MIS18A: variants seen among roughly 807,000 people sequenced by gnomAD.
MIS18A encodes the protein protein Mis18-alpha.
MIS18A carries 14 observed loss-of-function variants against 25.0 expected under a neutral mutation model. The observed-to-expected ratio is 0.56, with a 90% confidence interval of 0.37 to 0.88. The LOEUF (loss-of-function observed/expected upper bound fraction) is 0.88. Ranked by LOEUF, MIS18A falls within the 40% of genes least tolerant of loss-of-function variation. MIS18A has a pLI of 0.00. For missense variants in MIS18A, 292 were observed against 290.8 expected (o/e 1.00, Z -0.03); for synonymous variants, 134 against 118.6 (o/e 1.13, Z -0.84).
the MIS18A span, among the ~76,000 whole-genome samples, chr21:32,165,959 C>T: frequency 6.6e-6 from 1 of 152,260 alleles, no homozygotes; most frequent in East Asian, 1.9e-4. Flanking sequence ...GCATTATCAC[C>T]TTCTCACTCC....
At chr21:32,234,581 A>G in the MIS18A span, among the ~76,000 whole-genome samples, 4 of 152,072 alleles carry the variant, frequency 2.6e-5, no homozygotes, top group Admixed American at 6.6e-5. Context: ...ATAATCCCCA[A>G]TGTTGAAGGT....
At chr21:32,167,535 G>A in the MIS18A span, among the ~76,000 whole-genome samples, 1 of 152,134 alleles carries the variant, frequency 6.6e-6, no homozygotes, top group Non-Finnish European at 1.5e-5. Context: ...AATGAAGATT[G>A]GTGAGCTGCA....
At chr21:32,190,112 G>T in the MIS18A span, among the ~76,000 whole-genome samples, 1 of 152,170 alleles carries the variant, frequency 6.6e-6, no homozygotes, top group Non-Finnish European at 1.5e-5. Context: ...TAGCCCCCAA[G>T]GGCCATGAGA....
chr21:32,265,604 G>A (rs2031582586), downstream of MIS18A, among the ~76,000 whole-genome samples: 1 of 152,232 alleles, frequency 6.6e-6, no homozygotes, highest in Admixed American at 6.5e-5. Flanking sequence ...CGCCATGCCT[G>A]AGCCTCCCAC....
the MIS18A span, among the ~76,000 whole-genome samples, chr21:32,213,506 T>G: frequency 0.37 from 56,268 of 152,086 alleles, 10,587 homozygotes; most frequent in East Asian, 0.45. Context: ...ATATCCACAA[T>G]AAACTGATTA....
At chr21:32,229,712 A>G in the MIS18A span, among the ~76,000 whole-genome samples, 1 of 152,230 alleles carries the variant, frequency 6.6e-6, no homozygotes, top group African/African-American at 2.4e-5. Flanking sequence ...ATATTGGTCA[A>G]TTCTTTGCTT....
the MIS18A span, among the ~76,000 whole-genome samples, chr21:32,215,365 G>A: frequency 5.9e-5 from 9 of 152,228 alleles, no homozygotes; most frequent in Middle Eastern, 3.4e-3. Flanking sequence ...AGAGATCTCC[G>A]GCTGTGACCC....
At chr21:32,252,124 T>C in the MIS18A span, among the ~76,000 whole-genome samples, 3 of 151,712 alleles carry the variant, frequency 2.0e-5, no homozygotes, top group Admixed American at 2.0e-4. Flanking sequence ...AGTTTGACAC[T>C]GCAGTGAACT....
At chr21:32,198,256 G>A in the MIS18A span, among the ~76,000 whole-genome samples, 1 of 152,216 alleles carries the variant, frequency 6.6e-6, no homozygotes, top group Non-Finnish European at 1.5e-5. Context: ...CAGTGCCAAA[G>A]AGTGAGCTAC....
chr21:32,225,185 A>G, the MIS18A span, among the ~76,000 whole-genome samples: 1 of 62,714 alleles, frequency 1.6e-5, no homozygotes, highest in Non-Finnish European at 2.7e-5. Flanking sequence ...CCTAGAAGAA[A>G]ACCTAGGCAT....
At chr21:32,251,139 C>T in the MIS18A span, among the ~76,000 whole-genome samples, 7 of 152,264 alleles carry the variant, frequency 4.6e-5, no homozygotes, top group East Asian at 1.9e-4. Flanking sequence ...TGAAGAACTA[C>T]GAGTCAATTA....
downstream of MIS18A, among the ~76,000 whole-genome samples, chr21:32,266,967 A>AACACAC (rs199958126): frequency 3.7e-4 from 56 of 149,516 alleles, 1 homozygote; most frequent in African/African-American, 9.3e-4. Context: ...GGACAAGTTA[A>AACACAC]ACACACACAC....
chr21:32,175,646 G>GA, the MIS18A span, among the ~76,000 whole-genome samples: 25 of 135,562 alleles, frequency 1.8e-4, no homozygotes, highest in Non-Finnish European at 1.9e-4. Context: ...GGTCTCTACT[G>GA]AAAAAAAAAA....
At chr21:32,270,865 T>A (rs1030875968) in intron 2 of MIS18A, among the ~76,000 whole-genome samples, 2 of 152,236 alleles carry the variant, frequency 1.3e-5, no homozygotes, top group African/African-American at 4.8e-5. Context: ...CCATCTGGTG[T>A]CTGTCACTAC....
At chr21:32,185,199 C>T in the MIS18A span, among the ~76,000 whole-genome samples, 1 of 152,118 alleles carries the variant, frequency 6.6e-6, no homozygotes, top group Non-Finnish European at 1.5e-5. Flanking sequence ...CCACCTCCCC[C>T]ACAGCTGGTT....
chr21:32,186,895 G>A, the MIS18A span, among the ~76,000 whole-genome samples: 8 of 152,214 alleles, frequency 5.3e-5, no homozygotes, highest in East Asian at 1.9e-4. Flanking sequence ...ACAAAGGTTC[G>A]GGGAAAAGCA....
the MIS18A span, among the ~76,000 whole-genome samples, chr21:32,175,781 GC>G: frequency 1.3e-5 from 2 of 151,536 alleles, no homozygotes; most frequent in African/African-American, 2.4e-5. Flanking sequence ...TTGCACTCCA[GC>G]CCAGGTGATA....
intron 1 of MIS18A, among the ~76,000 whole-genome samples, chr21:32,276,107 C>T (rs1039056930): frequency 5.8e-4 from 89 of 152,316 alleles, no homozygotes; most frequent in African/African-American, 2.0e-3. Flanking sequence ...AGTCTCAAGG[C>T]TTTTGCACCA....
intron 1 of MIS18A, among the ~76,000 whole-genome samples, chr21:32,275,242 A>T (rs115278373): frequency 0.016 from 2,490 of 152,242 alleles, 67 homozygotes; most frequent in African/African-American, 0.056. Flanking sequence ...TTTAAGAAAA[A>T]TTTTAAAAGG....
Sources: allele counts gnomAD v4.1 joint callset (sites outside exome capture counted in the v4.1 genomes callset), GRCh38; gene constraint gnomAD v4.1.1; transcripts MANE v1.5; gene names NCBI Gene and HGNC (gene_info 2026-07-23, HGNC 2026-07-21).